The following PLOD2 variants were observed in gnomAD, a reference collection of about 807,000 sequenced individuals.
PLOD2 encodes the protein lysine hydroxylase 2.
A neutral mutation model predicts 101.0 loss-of-function variants in PLOD2; 65 were observed. That is an observed-to-expected ratio of 0.64 (90% CI 0.53 to 0.79). PLOD2 has a LOEUF of 0.79. Ranked by LOEUF, PLOD2 falls within the 30% of genes least tolerant of loss-of-function variation. The pLI, the probability that PLOD2 is intolerant of heterozygous loss-of-function variation, is 0.00. For missense variants in PLOD2, 909 were observed against 914.6 expected (o/e 0.99, Z 0.08); for synonymous variants, 314 against 302.9 (o/e 1.04, Z -0.38).
intron 1 of PLOD2, among the ~76,000 whole-genome samples, chr3:146,156,928 T>C (rs2032325495): frequency 1.3e-5 from 2 of 152,202 alleles, no homozygotes; most frequent in Non-Finnish European, 2.9e-5. Context: ...TAAAAAAAAT[T>C]ATGGCACCCA....
intron 3 of PLOD2, among the ~76,000 whole-genome samples, chr3:146,111,620 TA>T (rs1370346240): frequency 6.6e-6 from 1 of 152,288 alleles, no homozygotes; most frequent in Non-Finnish European, 1.5e-5. Flanking sequence ...ATGTGTATGT[TA>T]AAAAATTTTA....
At chr3:146,079,934 C>A (rs937875656) in intron 12 of PLOD2, among the ~76,000 whole-genome samples, 1 of 151,934 alleles carries the variant, frequency 6.6e-6, no homozygotes, top group Non-Finnish European at 1.5e-5. Context: ...AGCACATGAA[C>A]GTTGCATCCT....
At chr3:146,126,240 A>G (rs547844315) in intron 1 of PLOD2, among the ~76,000 whole-genome samples, 1 of 152,280 alleles carries the variant, frequency 6.6e-6, no homozygotes, top group African/African-American at 2.4e-5. Context: ...CAAATCACAA[A>G]TACATAATTT....
At chr3:146,108,555 A>T (rs375713768) in intron 4 of PLOD2, among the ~76,000 whole-genome samples, 3 of 152,170 alleles carry the variant, frequency 2.0e-5, no homozygotes, top group Admixed American at 6.6e-5. Context: ...TAAATATGTG[A>T]TCTATGAAAT....
intron 16 of PLOD2, 43 bp from the exon 17 acceptor site, chr3:146,072,708 TG>T (rs1361351742): frequency 9.4e-6 from 11 of 1,167,830 alleles, no homozygotes; most frequent in Admixed American, 6.8e-5. Context: ...ATAACTTCTG[TG>T]TCTTAATAGT....
At chr3:146,155,485 G>T (rs550495249) in intron 1 of PLOD2, among the ~76,000 whole-genome samples, 115 of 151,938 alleles carry the variant, frequency 7.6e-4, no homozygotes, top group Non-Finnish European at 1.4e-3. Context: ...AGCCGAGGGG[G>T]TTGGATCACG....
intron 1 of PLOD2, among the ~76,000 whole-genome samples, chr3:146,125,705 C>T (rs537109067): frequency 1.4e-4 from 22 of 152,144 alleles, no homozygotes; most frequent in African/African-American, 4.8e-4. Context: ...CAAGATCACA[C>T]GGCTGCACTC....
intron 1 of PLOD2, among the ~76,000 whole-genome samples, chr3:146,151,476 A>G (rs984964908): frequency 6.6e-6 from 1 of 152,026 alleles, no homozygotes; most frequent in Non-Finnish European, 1.5e-5. Flanking sequence ...CAGCCTGGAC[A>G]AGAAGAACGA....
Position 146,141,041 on chromosome 3 carries a change from A to G in PLOD2, c.110-16812T>C, listed in dbSNP as rs184604079. Among the ~76,000 whole-genome samples, 244 of 152,170 alleles carry G rather than the reference A, an allele frequency of 1.6e-3. 1 individual carries two copies. The highest frequency in any genetic ancestry group is 5.6e-3 in the African/African-American group (234 of 41,552). ...CTAATAAGTTTTATTATGAGGTTTT[A>G]TTAAGTTTTATTATGTACTCTCAGT... On this transcript the variant is annotated intron_variant, in intron 1 of 19. Transcript: ENST00000282903.
In PLOD2 at chr3:146,088,707, T is replaced by A. The variant is rs548545212; in HGVS notation, c.884A>T (p.His295Leu). The stretch of plus-strand genomic sequence containing the variant: ...AAAAACACCTATTGATACGTTTGGA[T>A]GGACCTTTGTTTTACACCAAACATA... ...DTVDLSAVDV[H>L]PNVSIGVFIE... The change falls in exon 9 of 20, where the codon CAT (histidine) becomes CTT (leucine). Residue 295 changes from histidine (H) to leucine (L), a missense_variant. Transcript: ENST00000282903. The A allele has an allele frequency of 6.2e-7, 1 of 1,606,036 alleles. No individual in the cohort carries two copies. Among genetic ancestry groups the A allele is most frequent in the African/African-American group, 1.3e-5 (1 of 74,830 alleles).
intron 13 of PLOD2, 85 bp from the exon 14 acceptor site, chr3:146,078,009 G>A (rs1936405855): frequency 1.2e-6 from 1 of 814,778 alleles, no homozygotes; most frequent in East Asian, 2.4e-5. Flanking sequence ...AATAGCAGCT[G>A]TTGATCAAAA....
At chr3:146,155,221 G>T (rs2032241149) in intron 1 of PLOD2, among the ~76,000 whole-genome samples, 1 of 152,100 alleles carries the variant, frequency 6.6e-6, no homozygotes, top group African/African-American at 2.4e-5. Flanking sequence ...TTGGGAGGCT[G>T]AGGTGATAAG....
intron 1 of PLOD2, among the ~76,000 whole-genome samples, chr3:146,142,545 G>T (rs2031573096): frequency 6.6e-6 from 1 of 151,984 alleles, no homozygotes; most frequent in Non-Finnish European, 1.5e-5. Context: ...TTCATGTAAA[G>T]GTTGGTCAAT....
At chr3:146,094,081 G>A (rs1344200784) in intron 7 of PLOD2, among the ~76,000 whole-genome samples, 1 of 152,118 alleles carries the variant, frequency 6.6e-6, no homozygotes, top group Non-Finnish European at 1.5e-5. Flanking sequence ...CGGTGCAGAA[G>A]GCTGTTTATG....
chr3:146,073,346 T>G lies in PLOD2; in HGVS notation c.1684A>C (p.Lys562Gln). The change falls in exon 16 of 20, where the codon AAG (lysine) becomes CAG (glutamine). Residue 562 changes from lysine to glutamine, a missense_variant. Transcript: ENST00000282903. ...WQIFENPVDW[K>Q]EKYINRDYSK... The stretch of plus-strand genomic sequence containing the variant: ...TAATCACGGTTTATATACTTTTCCT[T>G]CCAGTCCTATAAAAAGAAGTACATA... The G allele has an allele frequency of 8.6e-7, 1 of 1,161,924 alleles. No individual in the cohort carries two copies. The highest frequency in any genetic ancestry group is 1.4e-5 in the South Asian group (1 of 73,066). 72.0% of individuals were successfully genotyped at this position (1,161,924 alleles called of 1,614,324 possible). A position where few individuals can be genotyped will look rare whatever the true frequency, so the allele number is the denominator to read the frequency against.
chr3:146,103,531 G>C (rs369215536), intron 6 of PLOD2, among the ~76,000 whole-genome samples: 12 of 151,438 alleles, frequency 7.9e-5, no homozygotes, highest in African/African-American at 2.9e-4. Context: ...ACAATCACAG[G>C]TCATTGCAGC....
At chr3:146,151,559 A>G (rs1010964449) in intron 1 of PLOD2, among the ~76,000 whole-genome samples, 2 of 152,164 alleles carry the variant, frequency 1.3e-5, no homozygotes, top group Non-Finnish European at 2.9e-5. Flanking sequence ...ATTACAAGTA[A>G]AATCTGACGA....
chr3:146,153,657 G>A (rs948603887), intron 1 of PLOD2, among the ~76,000 whole-genome samples: 10 of 152,056 alleles, frequency 6.6e-5, no homozygotes, highest in African/African-American at 1.9e-4. Flanking sequence ...TATCTATTTC[G>A]CTTGTTGCTG....
intron 15 of PLOD2, chr3:146,075,882 T>C (rs1476756944): frequency 6.6e-6 from 1 of 151,818 alleles, no homozygotes; most frequent in Non-Finnish European, 1.5e-5. Context: ...ATCTACTCTA[T>C]AGATCATGAA....
Sources: allele counts gnomAD v4.1 joint callset (sites outside exome capture counted in the v4.1 genomes callset), GRCh38; gene constraint gnomAD v4.1.1; transcripts MANE v1.5; gene names NCBI Gene and HGNC (gene_info 2026-07-23, HGNC 2026-07-21).